AOPEP: variants seen among roughly 807,000 people sequenced by gnomAD.
AOPEP encodes the protein aminopeptidase O (putative).
A neutral mutation model predicts 98.1 loss-of-function variants in AOPEP; 77 were observed. The ratio of observed to expected loss-of-function variants is 0.78; its 90% CI spans 0.65 to 0.95. AOPEP has a LOEUF of 0.95. Ranked by LOEUF, AOPEP falls within the 40% of genes least tolerant of loss-of-function variation. The pLI is 0.00. For missense variants in AOPEP, 1,024 were observed against 1,024.7 expected (o/e 1.00, Z 0.01); for synonymous variants, 346 against 365.3 (o/e 0.95, Z 0.60).
At chr9:95,016,054 A>T (rs1234856715) in intron 13 of AOPEP, among the ~76,000 whole-genome samples, 1 of 151,950 alleles carries the variant, frequency 6.6e-6, no homozygotes, top group African/African-American at 2.4e-5. Context: ...AAAGTGCCAC[A>T]GCAAGTTTAG....
downstream of AOPEP, among the ~76,000 whole-genome samples, chr9:95,088,681 T>C (rs533214100): frequency 6.6e-6 from 1 of 152,318 alleles, no homozygotes; most frequent in African/African-American, 2.4e-5. Flanking sequence ...ACCGGCCCAG[T>C]GGTTTGGGGT....
chr9:95,013,656 C>G (rs764097409), intron 13 of AOPEP, among the ~76,000 whole-genome samples: 13 of 152,102 alleles, frequency 8.5e-5, no homozygotes, highest in Non-Finnish European at 1.6e-4. Flanking sequence ...AGCTTGTTTT[C>G]TAGTAGAATT....
the AOPEP span, chr9:95,111,081 C>T: frequency 6.6e-7 from 1 of 1,512,356 alleles, no homozygotes; most frequent in Non-Finnish European, 8.8e-7. Flanking sequence ...CGAGACAGGG[C>T]CCTGGCTGTG....
At chr9:94,770,935 A>G (rs1202060767) in intron 2 of AOPEP, among the ~76,000 whole-genome samples, 3 of 152,210 alleles carry the variant, frequency 2.0e-5, no homozygotes, top group African/African-American at 4.8e-5. Context: ...GCAGCTGGCT[A>G]CTTCACAGAA....
At chr9:94,849,333 G>T (rs960603717) in intron 5 of AOPEP, among the ~76,000 whole-genome samples, 5 of 152,216 alleles carry the variant, frequency 3.3e-5, no homozygotes, top group Middle Eastern at 3.4e-3. Flanking sequence ...ATGTATGTAA[G>T]GCATTTAAAG....
intron 5 of AOPEP, among the ~76,000 whole-genome samples, chr9:94,839,084 T>C (rs1335356006): frequency 1.7e-5 from 1 of 59,764 alleles, no homozygotes; most frequent in African/African-American, 7.7e-5. Context: ...CTAATTTTTG[T>C]ATTCTTTTTT....
chr9:94,969,282 G>A (rs1310678686), intron 10 of AOPEP, among the ~76,000 whole-genome samples: 1 of 151,766 alleles, frequency 6.6e-6, no homozygotes, highest in East Asian at 1.9e-4. Flanking sequence ...GTTTTAGGCT[G>A]GCTGACCACC....
intron 1 of AOPEP, among the ~76,000 whole-genome samples, chr9:94,755,486 A>T (rs904682051): frequency 1.3e-5 from 2 of 152,188 alleles, no homozygotes; most frequent in Admixed American, 6.5e-5. Context: ...AATAAGCAAC[A>T]ACTTAATAGA....
chr9:94,802,098 G>A (rs966420936), intron 5 of AOPEP, among the ~76,000 whole-genome samples: 1 of 152,082 alleles, frequency 6.6e-6, no homozygotes, highest in Admixed American at 6.6e-5. Flanking sequence ...CAGGAACTAG[G>A]ATAATTATAT....
chr9:94,871,788 C>G (rs2135638653), intron 5 of AOPEP, among the ~76,000 whole-genome samples: 1 of 152,230 alleles, frequency 6.6e-6, no homozygotes, highest in Non-Finnish European at 1.5e-5. Context: ...CAGTGGATCA[C>G]TTGAGCCCAG....
At chr9:94,779,220 A>G (rs1318919510) in intron 3 of AOPEP, among the ~76,000 whole-genome samples, 1 of 152,090 alleles carries the variant, frequency 6.6e-6, no homozygotes, top group Non-Finnish European at 1.5e-5. Context: ...TGGTTCCCTG[A>G]CTTGCTGAAT....
chr9:95,100,007 C>T, the AOPEP span: 1 of 232,376 alleles, frequency 4.3e-6, no homozygotes, highest in Non-Finnish European at 8.5e-6. Flanking sequence ...TGGCCCCTCT[C>T]TCTAGGGGTT....
intron 14 of AOPEP, among the ~76,000 whole-genome samples, chr9:95,075,019 G>A (rs1364481448): frequency 1.3e-5 from 2 of 152,170 alleles, no homozygotes; most frequent in African/African-American, 2.4e-5. Flanking sequence ...TCACTTCTCC[G>A]TGCCCTGTCC....
At chr9:95,035,668 A>G (rs1342472156) in intron 13 of AOPEP, among the ~76,000 whole-genome samples, 2 of 151,064 alleles carry the variant, frequency 1.3e-5, no homozygotes, top group East Asian at 3.9e-4. Flanking sequence ...ACAGGCATGC[A>G]CCACCATGCC....
intron 3 of AOPEP, among the ~76,000 whole-genome samples, chr9:94,778,241 A>G (rs1258929974): frequency 6.6e-6 from 1 of 152,166 alleles, no homozygotes; most frequent in Non-Finnish European, 1.5e-5. Flanking sequence ...TTTGGCAGAT[A>G]CTCACAAACT....
At chr9:94,756,745 T>C (rs1837143950) in intron 1 of AOPEP, among the ~76,000 whole-genome samples, 1 of 152,168 alleles carries the variant, frequency 6.6e-6, no homozygotes, top group Non-Finnish European at 1.5e-5. Flanking sequence ...CTGGATGTGC[T>C]CTGCTCATCT....
chr9:94,744,246 G>T lies in AOPEP; in HGVS notation c.-135-15403G>T, dbSNP rs56044075. On this transcript the variant is annotated intron_variant, in intron 1 of 16. Coordinates refer to ENST00000375315, the MANE Select transcript of AOPEP (RefSeq NM_001193329.3). The stretch of plus-strand genomic sequence containing the variant: ...TCTCTACTAAAAATACAAAAAATTA[G>T]CTGGGTGTGGTGGCAGGCGCCTGTA... Among the ~76,000 whole-genome samples the T allele has an allele frequency of 5.3e-3, 801 of 152,118 alleles. 11 individuals carry two copies. Among genetic ancestry groups the T allele is most frequent in the South Asian group, 0.044 (211 of 4,812 alleles).
chr9:95,028,865 C>T (rs560560402), intron 13 of AOPEP, among the ~76,000 whole-genome samples: 1 of 152,336 alleles, frequency 6.6e-6, no homozygotes, highest in African/African-American at 2.4e-5. Context: ...TAGAATTTCC[C>T]TGCCCAATTG....
chr9:95,142,075 C>G, the AOPEP span, among the ~76,000 whole-genome samples: 1 of 146,060 alleles, frequency 6.8e-6, no homozygotes, highest in Non-Finnish European at 1.5e-5. Flanking sequence ...TCACTACAAC[C>G]TCTGCCTCCC....
Sources: allele counts gnomAD v4.1 joint callset (sites outside exome capture counted in the v4.1 genomes callset), GRCh38; gene constraint gnomAD v4.1.1; transcripts MANE v1.5; gene names NCBI Gene and HGNC (gene_info 2026-07-23, HGNC 2026-07-21).